Variants in MYLIP observed in about 807,000 individuals in gnomAD.
MYLIP encodes E3 ubiquitin-protein ligase MYLIP.
A neutral mutation model predicts 45.8 loss-of-function variants in MYLIP; 26 were observed. That is an observed-to-expected ratio of 0.57 (90% CI 0.42 to 0.79). The LOEUF (loss-of-function observed/expected upper bound fraction) is 0.79, where lower values mean the gene tolerates loss of function less well. MYLIP is among the 30% of genes least tolerant of loss of function. The probability of loss-of-function intolerance (pLI) is 0.00; values close to 1 mark genes in which losing one functional copy is unlikely to be tolerated. For missense variants in MYLIP, 494 were observed against 555.6 expected, an observed-to-expected ratio of 0.89 and a Z score of 1.11; for synonymous variants, 213 against 218.1, an observed-to-expected ratio of 0.98 and a Z score of 0.21.
In MYLIP at chr6:16,145,297, A is replaced by C. The variant is rs1167875598; in HGVS notation, c.1228A>C (p.Ser410Arg). 1.9e-6 allele frequency: 3 copies of C among 1,595,470 alleles called. No homozygotes were observed. The highest frequency in any genetic ancestry group is 2.6e-6 in the Non-Finnish European group (3 of 1,166,744). ...CPCGHTVCCE[S>R]CAAQLQSCPV... is the part of the protein sequence containing the mutation. ...CTGTGGCCACACTGTGTGCTGTGAGAGCTGCGCCGCCCAGCTACAGGTAGG... is the reference window on the plus strand; with the variant it reads ...CTGTGGCCACACTGTGTGCTGTGAGCGCTGCGCCGCCCAGCTACAGGTAGG... Residue 410 changes from serine to arginine, a missense_variant, in exon 6 of 7, where the codon AGC becomes CGC. Transcript: ENST00000356840.
At chr6:16,130,470 C>T (rs1759435443) in intron 1 of MYLIP, 87 bp from the exon 2 acceptor site, 2 of 1,342,318 alleles carry the variant, frequency 1.5e-6, no homozygotes, top group Non-Finnish European at 1.0e-6. Context: ...TTGTAAAAAG[C>T]ACCAGCAATC....
At position 16,129,416 on chromosome 6, in the gene MYLIP, GC is replaced by G; in HGVS notation, c.87+8del. The G allele has an allele frequency of 6.3e-7, 1 of 1,578,876 alleles. No homozygotes were observed. The highest frequency in any genetic ancestry group is 8.6e-7 in the Non-Finnish European group (1 of 1,162,992). ...CGAGGACTGCCTCAACCAGGTGAGGGCGAGGGGCAAGAAGGGGCCCCGGCGG... is the reference window on the plus strand; with the variant it reads ...CGAGGACTGCCTCAACCAGGTGAGGGGAGGGGCAAGAAGGGGCCCCGGCGG... On this transcript the variant is annotated splice_region_variant and intron_variant, in intron 1 of 6. Coordinates refer to ENST00000356840, the MANE Select transcript of MYLIP (RefSeq NM_013262.4). The surrounding 1 kb of genome is among the most constrained non-coding windows in gnomAD (Gnocchi z 5.1).
In MYLIP at chr6:16,147,427, C is replaced by G. The variant is rs959253162; in HGVS notation, c.*676C>G. On this transcript the variant is annotated 3_prime_UTR_variant, in exon 7 of 7. Coordinates refer to ENST00000356840, the MANE Select transcript of MYLIP (RefSeq NM_013262.4). ...CTTTACGCTCCCCCTATCCCTACCC[C>G]ACAAGCCTTTCGATTATAAAATACT... is the stretch of plus-strand genomic sequence containing the variant. 1 of 152,576 alleles carries G rather than the reference C, an allele frequency of 6.6e-6. No individual in the cohort carries two copies. Among genetic ancestry groups the G allele is most frequent in the Non-Finnish European group, 1.5e-5 (1 of 68,056 alleles). 9.5% of individuals were successfully genotyped at this position (152,576 alleles called of 1,614,324 possible).
the MYLIP span, among the ~76,000 whole-genome samples, chr6:16,156,321 C>G: frequency 6.6e-6 from 1 of 152,336 alleles, no homozygotes; most frequent in East Asian, 1.9e-4. Flanking sequence ...ACCTCTTCTG[C>G]CCAGAATTTC....
rs761995947 is a variant in MYLIP, at chr6:16,145,270, C to T, written c.1201C>T (p.Pro401Ser). ...CEEEINSTFC[P>S]CGHTVCCESC... ...GGAGGAGATCAACTCCACCTTCTGTCCCTGTGGCCACACTGTGTGCTGTGA... is the reference window on the plus strand; with the variant it reads ...GGAGGAGATCAACTCCACCTTCTGTTCCTGTGGCCACACTGTGTGCTGTGA... The change falls in exon 6 of 7, where the codon CCC becomes TCC. Residue 401 changes from proline (P) to serine (S), a missense_variant. Transcript: ENST00000356840. The T allele has an allele frequency of 1.9e-6, 3 of 1,610,044 alleles. No homozygotes were observed. Among genetic ancestry groups the T allele is most frequent in the African/African-American group, 2.7e-5 (2 of 74,882 alleles).
chr6:16,142,962 T>C lies in MYLIP; in HGVS notation c.465-58T>C, dbSNP rs1759703892. 2.0e-6 allele frequency: 3 copies of C among 1,526,422 alleles called. No individual in the cohort carries two copies. In the African/African-American group the frequency reaches 4.1e-5, roughly 21 times the overall value. 94.6% of individuals were successfully genotyped at this position (1,526,422 alleles called of 1,614,324 possible). ...ATTTCACTCGTGAAGACTACATAGG[T>C]TTATCTCTAAAGCTAATATCTGTAT... On this transcript the variant is annotated intron_variant, in intron 3 of 6. Coordinates refer to ENST00000356840, the MANE Select transcript of MYLIP (RefSeq NM_013262.4).
At chr6:16,141,439 A>C (rs2113549902) in intron 2 of MYLIP, 186 bp from the exon 3 acceptor site, 3 of 467,140 alleles carry the variant, frequency 6.4e-6, no homozygotes, top group Middle Eastern at 8.3e-4. Flanking sequence ...ATTCCAGAGA[A>C]ACGCAGTTCT....
chr6:16,129,646 A>G lies in MYLIP; in HGVS notation c.87+237A>G, dbSNP rs950409658. ...GTCCCCAGCGCTGAGGGCCGGGCGC[A>G]GCCCGCAGCCGGGATCCACCCCCCA... On this transcript the variant is annotated intron_variant, in intron 1 of 6. Transcript: ENST00000356840. The surrounding 1 kb of genome is among the most constrained non-coding windows in gnomAD (Gnocchi z 5.1). 2.6e-5 allele frequency among the ~76,000 whole-genome samples: 4 copies of G among 152,158 alleles called. No individual in the cohort carries two copies. Among genetic ancestry groups the G allele is most frequent in the Admixed American group, 6.5e-5 (1 of 15,280 alleles).
chr6:16,158,731 G>A, the MYLIP span, among the ~76,000 whole-genome samples: 9 of 152,246 alleles, frequency 5.9e-5, no homozygotes, highest in East Asian at 3.9e-4. Flanking sequence ...TTAGCCGCGC[G>A]TGGTGGCGGG....
rs773521633 is a variant in MYLIP, at chr6:16,129,406, C to T, written c.84C>T (p.Asn28=). 2.6e-5 allele frequency: 41 copies of T among 1,585,084 alleles called. No individual in the cohort carries two copies. The highest frequency in any genetic ancestry group is 7.2e-5 in the Admixed American group (4 of 55,848). ...AAGCCAACGGCGAGGACTGCCTCAA[C>T]CAGGTGAGGGCGAGGGGCAAGAAGG... ...EAKANGEDCL[N]QVCRRLGIIE... is the part of the protein sequence containing the mutation. Residue 28 remains asparagine, a synonymous_variant, in exon 1 of 7, where the codon AAC becomes AAT. Transcript: ENST00000356840. The surrounding 1 kb of genome is among the most constrained non-coding windows in gnomAD (Gnocchi z 5.1).
intron 2 of MYLIP, among the ~76,000 whole-genome samples, chr6:16,139,875 AT>A (rs1759630998): frequency 6.6e-6 from 1 of 152,234 alleles, no homozygotes; most frequent in South Asian, 2.1e-4. Context: ...AAACTGCAGT[AT>A]TTGGCAGAGT....
At chr6:16,130,393 T>G (rs988467046) in intron 1 of MYLIP, among the ~76,000 whole-genome samples, 164 bp from the exon 2 acceptor site, 6 of 152,210 alleles carry the variant, frequency 3.9e-5, no homozygotes, top group African/African-American at 1.4e-4. Flanking sequence ...GCTCGTGGTT[T>G]GGTATCATTG....
chr6:16,153,944 G>T, the MYLIP span, among the ~76,000 whole-genome samples: 1 of 152,124 alleles, frequency 6.6e-6, no homozygotes, highest in Non-Finnish European at 1.5e-5. Context: ...TACTGGAAAA[G>T]GAAACTATTA....
intron 2 of MYLIP, among the ~76,000 whole-genome samples, chr6:16,132,558 TA>T (rs550534557): frequency 1.3e-5 from 2 of 152,186 alleles, no homozygotes; most frequent in Non-Finnish European, 2.9e-5. Flanking sequence ...TTGCTTTTAA[TA>T]TGTTGGTGAA....
rs139611898 is a variant in MYLIP at position 16,132,559 on chromosome 6, A to C, written c.278+1812A>C. On this transcript the variant is annotated intron_variant, in intron 2 of 6. Transcript: ENST00000356840. Reference sequence around the variant, plus strand: ...CCTTAACTTTTAACTTGCTTTTAATATGTTGGTGAATTTTACTTGGTTTCA... The same window carrying C: ...CCTTAACTTTTAACTTGCTTTTAATCTGTTGGTGAATTTTACTTGGTTTCA... Among the ~76,000 whole-genome samples, 83 of 152,272 alleles carry C rather than the reference A, an allele frequency of 5.5e-4. No individual in the cohort carries two copies. In the East Asian group the frequency reaches 0.015, roughly 27 times the overall value.
downstream of MYLIP, among the ~76,000 whole-genome samples, chr6:16,150,586 C>T (rs951763043): frequency 9.9e-5 from 15 of 152,150 alleles, no homozygotes; most frequent in Admixed American, 5.2e-4. Context: ...TCCAGCTACT[C>T]GGAGGCCGGG....
rs1759443378 is a variant in MYLIP at position 16,130,846 on chromosome 6, T to G, written c.278+99T>G. 5 of 1,191,492 alleles carry G rather than the reference T, an allele frequency of 4.2e-6. No individual in the cohort carries two copies. The African/African-American group carries it at 6.2e-5, about 15-fold the overall frequency. The allele number at this position is 1,191,492 out of a possible 1,614,324, so 73.8% of individuals were successfully genotyped here. A position where few individuals can be genotyped will look rare whatever the true frequency, so the allele number is the denominator to read the frequency against. On this transcript the variant is annotated intron_variant, in intron 2 of 6. Transcript: ENST00000356840. Reference sequence around the variant, plus strand: ...GAGATACTCACAGGCAAGTTTGTTTTGATGCGGAGTTCCATCTTAACTTAG... The same window carrying G: ...GAGATACTCACAGGCAAGTTTGTTTGGATGCGGAGTTCCATCTTAACTTAG...
At chr6:16,155,926 C>T in the MYLIP span, among the ~76,000 whole-genome samples, 4 of 152,154 alleles carry the variant, frequency 2.6e-5, no homozygotes, top group Non-Finnish European at 5.9e-5. Flanking sequence ...GCACCTGTGG[C>T]ACTGAGCTCT....
intron 2 of MYLIP, among the ~76,000 whole-genome samples, chr6:16,136,702 C>T (rs538187130): frequency 6.6e-6 from 1 of 152,206 alleles, no homozygotes; most frequent in East Asian, 1.9e-4. Context: ...GTACTCCCAG[C>T]AAGAATGTAA....
Sources: gnomAD v4.1 joint callset for allele counts (sites outside exome capture counted in the v4.1 genomes callset) on GRCh38, gnomAD v4.1.1 for gene constraint, Gnocchi (gnomAD v3.1) non-coding constraint, MANE v1.5 for transcripts, NCBI Gene and HGNC (gene_info 2026-07-23, HGNC 2026-07-21) for gene names.